Variants in CKMT2 observed in about 807,000 individuals in gnomAD.
The protein encoded by CKMT2 is creatine kinase, mitochondrial 2, also known as creatine kinase S-type, mitochondrial.
Under a neutral mutation model 48.9 loss-of-function variants are expected in CKMT2, and 43 were observed. The observed-to-expected ratio is 0.88, with a 90% CI of 0.69 to 1.13. The LOEUF is 1.13. CKMT2 is among the 50% of genes most tolerant of loss of function. The pLI, the probability that CKMT2 is intolerant of heterozygous loss-of-function variation, is 0.00. For missense variants in CKMT2, 472 were observed against 555.4 expected (o/e 0.85, Z 1.51); for synonymous variants, 206 against 213.0 (o/e 0.97, Z 0.29).
chr5:81,265,918 A>G (rs1484676359), intron 9 of CKMT2, among the ~76,000 whole-genome samples: 1 of 152,198 alleles, frequency 6.6e-6, no homozygotes. Context: ...TGGTTTTCAC[A>G]TAGTAAAAAA....
At chr5:81,257,321 T>C (rs1757047984) in intron 6 of CKMT2, among the ~76,000 whole-genome samples, 1 of 152,100 alleles carries the variant, frequency 6.6e-6, no homozygotes, top group Non-Finnish European at 1.5e-5. Flanking sequence ...ATGGAGCAAA[T>C]GTGTGAAATG....
chr5:81,246,739 A>C (rs559234015), intron 1 of CKMT2, among the ~76,000 whole-genome samples: 9 of 152,282 alleles, frequency 5.9e-5, no homozygotes, highest in African/African-American at 2.2e-4. Flanking sequence ...GCACAGTGGC[A>C]GATGTGAGGC....
intron 5 of CKMT2, among the ~76,000 whole-genome samples, chr5:81,255,901 A>G (rs932090975): frequency 2.6e-5 from 4 of 151,690 alleles, no homozygotes; most frequent in South Asian, 2.1e-4. Context: ...TTTCCAAACC[A>G]GACAGGCCAA....
Position 81,255,220 on chromosome 5 carries a change from T to C in CKMT2, c.669+6T>C, listed in dbSNP as rs771937901. On this transcript the variant is annotated splice_donor_region_variant and intron_variant, in intron 5 of 9. Coordinates refer to ENST00000254035, the MANE Select transcript of CKMT2 (RefSeq NM_001099735.2). ...ACCAGCAGCGGCTCATCGATGTGAGTAGCAGATGGGGCTCCCTGGGGAAGG... is the reference window on the plus strand; with the variant it reads ...ACCAGCAGCGGCTCATCGATGTGAGCAGCAGATGGGGCTCCCTGGGGAAGG... The C allele has an allele frequency of 8.6e-5, 139 of 1,612,612 alleles. No individual in the cohort carries two copies. Among genetic ancestry groups the C allele is most frequent in the Middle Eastern group, 4.9e-4 (3 of 6,070 alleles).
intron 1 of CKMT2, among the ~76,000 whole-genome samples, chr5:81,233,789 A>C (rs923911042): frequency 5.3e-5 from 8 of 152,200 alleles, no homozygotes; most frequent in African/African-American, 1.9e-4. Context: ...GTTTTTCCCC[A>C]GCAGTCTCAG....
chr5:81,258,218 G>T (rs555937785), intron 7 of CKMT2, among the ~76,000 whole-genome samples: 2 of 150,428 alleles, frequency 1.3e-5, no homozygotes, highest in East Asian at 3.9e-4. Flanking sequence ...TTTTTTGGAT[G>T]AGCCACCACG....
chr5:81,258,130 C>T (rs1275709710), intron 7 of CKMT2, among the ~76,000 whole-genome samples: 2 of 152,150 alleles, frequency 1.3e-5, no homozygotes, highest in African/African-American at 2.4e-5. Context: ...GAACTCCTGA[C>T]CACAGGTGAT....
intron 8 of CKMT2, among the ~76,000 whole-genome samples, chr5:81,259,920 A>G (rs1005657873): frequency 1.3e-5 from 2 of 152,198 alleles, no homozygotes; most frequent in African/African-American, 4.8e-5. Flanking sequence ...GAATATGTAC[A>G]TTCTTCTCAG....
intron 1 of CKMT2, chr5:81,242,556 T>G (rs1316806889): frequency 2.4e-6 from 1 of 419,374 alleles, no homozygotes; most frequent in Non-Finnish European, 4.7e-6. Context: ...ATACATAGGC[T>G]CATCAGAATT....
At position 81,259,166 on chromosome 5, in the gene CKMT2, A is replaced by G. The variant is rs1343595601; in HGVS notation, c.926A>G (p.Glu309Gly). ...QERGWEFMWNERLGYILTCPS... is the reference protein window; with the variant it reads ...QERGWEFMWNGRLGYILTCPS... Reference sequence around the variant, plus strand: ...CGAGGCTGGGAGTTCATGTGGAATGAGCGCCTAGGATACATTTTGACCTGT... The same window carrying G: ...CGAGGCTGGGAGTTCATGTGGAATGGGCGCCTAGGATACATTTTGACCTGT... The change falls in exon 8 of 10, where the codon GAG becomes GGG. Residue 309 changes from glutamate to glycine, a missense_variant. By Grantham distance (98) the Glu-to-Gly change is moderately conservative (BLOSUM62 -2). Transcript: ENST00000254035. The G allele has an allele frequency of 2.5e-6, 4 of 1,613,896 alleles. No homozygotes were observed. The African/African-American group carries it at 5.3e-5, about 22-fold the overall frequency.
Position 81,254,465 on chromosome 5 carries a change from C to A in CKMT2, c.421C>A (p.His141Asn). The change falls in exon 4 of 10, where the codon CAC becomes AAC. Residue 141 changes from histidine (H) to asparagine (N), a missense_variant. Physicochemically the swap from His to Asn is moderately conservative, Grantham distance 68. Coordinates refer to ENST00000254035, the MANE Select transcript of CKMT2 (RefSeq NM_001099735.2). ...HNGYDPRVMK[H>N]TTDLDASKIT... ...CGGCTATGACCCCAGGGTGATGAAGCACACAACGGATCTGGATGCATCAAA... is the reference window on the plus strand; with the variant it reads ...CGGCTATGACCCCAGGGTGATGAAGAACACAACGGATCTGGATGCATCAAA... The A allele has an allele frequency of 1.2e-6, 2 of 1,614,116 alleles. No homozygotes were observed. The highest frequency in any genetic ancestry group is 2.2e-5 in the South Asian group (2 of 91,072).
chr5:81,252,207 T>C (rs1365897426), intron 2 of CKMT2: 1 of 173,246 alleles, frequency 5.8e-6, no homozygotes, highest in Admixed American at 5.4e-5. Context: ...GAATTCCACA[T>C]AGGCAGGTAT....
rs1469823585 is a variant in CKMT2 at position 81,250,976 on chromosome 5, CACAG to C, written c.-20-135_-20-132del. 4.5e-6 allele frequency: 3 copies of C among 659,438 alleles called. No homozygotes were observed. In the East Asian group the frequency reaches 8.0e-5, roughly 18 times the overall value. 40.8% of individuals were successfully genotyped at this position (659,438 alleles called of 1,614,324 possible). On this transcript the variant is annotated intron_variant, in intron 1 of 9. Coordinates refer to ENST00000254035, the MANE Select transcript of CKMT2 (RefSeq NM_001099735.2). ...ACACACACACACACACACACACACA[CACAG>C]AAAGAGAGAGAGAGAGACAGAGACA...
chr5:81,254,546 G>A (rs2112809236), intron 4 of CKMT2, 55 bp downstream of exon 4: 3 of 1,504,992 alleles, frequency 2.0e-6, no homozygotes, highest in Non-Finnish European at 9.2e-7. Flanking sequence ...TGAGCCCAAG[G>A]GGAAGGCCCC....
chr5:81,250,154 A>C (rs1211255890), intron 1 of CKMT2, among the ~76,000 whole-genome samples: 2 of 151,844 alleles, frequency 1.3e-5, no homozygotes, highest in Non-Finnish European at 2.9e-5. Flanking sequence ...CCATTTTCTC[A>C]TTTCTCTGTG....
intron 2 of CKMT2, chr5:81,252,400 T>C (rs1217258995): frequency 2.3e-6 from 1 of 427,496 alleles, no homozygotes; most frequent in Admixed American, 3.6e-5. Flanking sequence ...CAGTACACAC[T>C]CCAGGGTAAG....
chr5:81,255,243 AGGACT>A, intron 5 of CKMT2, 29 bp downstream of exon 5: 2 of 1,595,250 alleles, frequency 1.3e-6, no homozygotes, highest in Middle Eastern at 1.7e-4. Flanking sequence ...TCCCTGGGGA[AGGACT>A]GGACCAAGGG....
At chr5:81,242,534 G>C (rs1299911371) in intron 1 of CKMT2, 5 of 467,630 alleles carry the variant, frequency 1.1e-5, no homozygotes, top group Non-Finnish European at 2.1e-5. Flanking sequence ...AAAGGGCCTT[G>C]ACCAACCTGA....
At chr5:81,242,525 A>G in intron 1 of CKMT2, 2 of 479,652 alleles carry the variant, frequency 4.2e-6, no homozygotes, top group Non-Finnish European at 8.2e-6. Flanking sequence ...GTTCAGCACA[A>G]AGGGCCTTGA....
Sources: allele counts gnomAD v4.1 joint callset (sites outside exome capture counted in the v4.1 genomes callset), GRCh38; gene constraint gnomAD v4.1.1; transcripts MANE v1.5; gene names NCBI Gene and HGNC (gene_info 2026-07-23, HGNC 2026-07-21).